The following KPNA1 variants were observed in gnomAD, a reference collection of about 807,000 sequenced individuals.
KPNA1 encodes the protein importin subunit alpha-5.
KPNA1 carries 10 observed loss-of-function variants against 70.5 expected under a neutral mutation model. The observed-to-expected ratio is 0.14, with a 90% CI of 0.09 to 0.24. The LOEUF is 0.24. KPNA1 is among the 10% of genes least tolerant of loss of function. KPNA1 has a pLI of 1.00. For synonymous variants in KPNA1, 192 were observed against 221.9 expected, an observed-to-expected ratio of 0.87 and a Z score of 1.20; for missense variants, 397 against 637.9, an observed-to-expected ratio of 0.62 and a Z score of 4.07.
intron 2 of KPNA1, among the ~76,000 whole-genome samples, chr3:122,485,051 A>G (rs2076613811): frequency 6.6e-6 from 1 of 151,970 alleles, no homozygotes; most frequent in Non-Finnish European, 1.5e-5. Context: ...GTGCATGCTA[A>G]TTAGTTTTGT....
At chr3:122,452,436 C>T (rs905551035) in intron 6 of KPNA1, among the ~76,000 whole-genome samples, 5 of 148,556 alleles carry the variant, frequency 3.4e-5, no homozygotes, top group Non-Finnish European at 7.4e-5. Flanking sequence ...TTGAACCTGA[C>T]AGGCCAAGGT....
intron 9 of KPNA1, chr3:122,443,033 G>A (rs1398795740): frequency 1.3e-5 from 2 of 152,314 alleles, no homozygotes; most frequent in Non-Finnish European, 1.5e-5. Flanking sequence ...TGGGTCGGGG[G>A]ATTTTCCTTT....
At chr3:122,509,052 C>G (rs998522951) in intron 1 of KPNA1, among the ~76,000 whole-genome samples, 4 of 152,074 alleles carry the variant, frequency 2.6e-5, no homozygotes, top group African/African-American at 9.7e-5. Flanking sequence ...TCAAGACCAG[C>G]CTGGCCAACA....
In KPNA1 at chr3:122,429,994, C is replaced by T. The variant is rs540451120; in HGVS notation, c.1251-2278G>A. The stretch of plus-strand genomic sequence containing the variant: ...TGTCTGACTGAGTTATTTCAAAAGA[C>T]CTATCTTTAAGTTTAGTAATTCTTT... On this transcript the variant is annotated intron_variant, in intron 12 of 13. Transcript: ENST00000344337. Among the ~76,000 whole-genome samples, 282 of 151,924 alleles carry T rather than the reference C, an allele frequency of 1.9e-3. 1 individual carries two copies. The highest frequency in any genetic ancestry group is 2.8e-3 in the Non-Finnish European group (188 of 67,962).
chr3:122,484,651 AT>A (rs1359364953), intron 2 of KPNA1, among the ~76,000 whole-genome samples: 14 of 151,972 alleles, frequency 9.2e-5, no homozygotes, highest in African/African-American at 2.9e-4. Context: ...TCAAAAAAAA[AT>A]AATAATAAAA....
intron 4 of KPNA1, among the ~76,000 whole-genome samples, chr3:122,463,280 G>A (rs1441033741): frequency 3.3e-5 from 5 of 151,976 alleles, no homozygotes; most frequent in Admixed American, 2.6e-4. Flanking sequence ...CCCGGGAGGC[G>A]GCGCTTGCAG....
At chr3:122,493,122 T>C (rs1028393003) in intron 2 of KPNA1, among the ~76,000 whole-genome samples, 25 of 152,196 alleles carry the variant, frequency 1.6e-4, no homozygotes, top group African/African-American at 5.8e-4. Context: ...TCATCAATAC[T>C]TCATCATTAA....
At chr3:122,470,693 T>C (rs1337542785) in intron 2 of KPNA1, among the ~76,000 whole-genome samples, 1 of 152,086 alleles carries the variant, frequency 6.6e-6, no homozygotes, top group African/African-American at 2.4e-5. Flanking sequence ...GTTGTAAATA[T>C]ACATTTACAA....
Position 122,449,648 on chromosome 3 carries a change from T to C in KPNA1, c.843A>G (p.Leu281=), listed in dbSNP as rs752604425. Residue 281 remains leucine (L), a synonymous_variant, in exon 9 of 14, where the codon CTA becomes CTG. Transcript: ENST00000344337. ...GAATTTTATCATTGGGTCCATCTGA[T>C]AGATATGAGAGGGCCCAGCAGGCAT... The part of the protein sequence containing the change: ...LADACWALSY[L]SDGPNDKIQA... 7.4e-6 allele frequency: 12 copies of C among 1,613,878 alleles called. 1 individual carries two copies. In the South Asian group the frequency reaches 1.2e-4, roughly 16 times the overall value.
At chr3:122,501,488 G>T (rs1431608465) in intron 1 of KPNA1, among the ~76,000 whole-genome samples, 1 of 152,096 alleles carries the variant, frequency 6.6e-6, no homozygotes, top group Non-Finnish European at 1.5e-5. Context: ...TTATTTAGGA[G>T]TATGTTCTTT....
In KPNA1 at chr3:122,496,459, C is replaced by T. The variant is rs1354135656; in HGVS notation, c.107G>A (p.Arg36Gln). Reference sequence around the variant, plus strand: ...TACCTGCTCTTCTCTTTTCTGCTTTCGTAACTGCAGTCCTTCTTCCTCCCT... The same window carrying T: ...TACCTGCTCTTCTCTTTTCTGCTTTTGTAACTGCAGTCCTTCTTCCTCCCT... Reference protein sequence around the residue: ...RRREEEGLQLRKQKREEQLFK... With the variant: ...RRREEEGLQLQKQKREEQLFK... Residue 36 changes from arginine (R) to glutamine (Q), a missense_variant, in exon 2 of 14, where the codon CGA (arginine) becomes CAA (glutamine). Physicochemically the swap from Arg to Gln is conservative, Grantham distance 43. Coordinates refer to ENST00000344337, the MANE Select transcript of KPNA1 (RefSeq NM_002264.4). 2.5e-6 allele frequency: 4 copies of T among 1,613,640 alleles called. No individual in the cohort carries two copies. The highest frequency in any genetic ancestry group is 2.7e-5 in the African/African-American group (2 of 74,888).
chr3:122,452,026 G>T lies in KPNA1; in HGVS notation c.603C>A (p.Thr201=). 6.2e-7 allele frequency: 1 copy of T among 1,611,992 alleles called. No individual in the cohort carries two copies. Among genetic ancestry groups the T allele is most frequent in the South Asian group, 1.1e-5 (1 of 90,710 alleles). Residue 201 remains threonine, a synonymous_variant, in exon 7 of 14, where the codon ACC becomes ACA. Coordinates refer to ENST00000344337, the MANE Select transcript of KPNA1 (RefSeq NM_002264.4). ...WALGNIAGDS[T]MCRDYVLDCN... is the part of the protein sequence containing the mutation. Reference sequence around the variant, plus strand: ...AGTCTAAGACATAGTCCCTGCACATGGTACTATCTCCAGCAATGTTGCCAA... The same window carrying T: ...AGTCTAAGACATAGTCCCTGCACATTGTACTATCTCCAGCAATGTTGCCAA...
chr3:122,478,172 A>AG (rs1553790079), intron 2 of KPNA1, among the ~76,000 whole-genome samples: 4 of 148,284 alleles, frequency 2.7e-5, no homozygotes, highest in South Asian at 2.1e-4. Context: ...AAAAAAAAAA[A>AG]AAAAGAAAAG....
intron 8 of KPNA1, among the ~76,000 whole-genome samples, chr3:122,450,425 T>C (rs2076186630): frequency 6.6e-6 from 1 of 151,998 alleles, no homozygotes; most frequent in African/African-American, 2.4e-5. Context: ...CTACTAAAAA[T>C]ACAAAAATTA....
chr3:122,491,032 A>C (rs1320109249), intron 2 of KPNA1, among the ~76,000 whole-genome samples: 1 of 152,226 alleles, frequency 6.6e-6, no homozygotes, highest in African/African-American at 2.4e-5. Context: ...CTAGCAGAGG[A>C]AATTAGTCAA....
intron 2 of KPNA1, among the ~76,000 whole-genome samples, chr3:122,479,467 T>A (rs1183662999): frequency 6.6e-6 from 1 of 152,022 alleles, no homozygotes; most frequent in African/African-American, 2.4e-5. Context: ...GTTACAAAAT[T>A]AAACATACTC....
intron 12 of KPNA1, chr3:122,432,790 T>C (rs1483760871): frequency 6.6e-6 from 1 of 152,166 alleles, no homozygotes; most frequent in African/African-American, 2.4e-5. Context: ...ATTAAGCTTA[T>C]AAGCTGCTCG....
rs1158346443 is a variant in KPNA1, at chr3:122,421,945, T to G, written c.*5040A>C. 1 of 152,268 alleles carries G rather than the reference T, an allele frequency of 6.6e-6. No homozygotes were observed. Among genetic ancestry groups the G allele is most frequent in the East Asian group, 1.9e-4 (1 of 5,208 alleles). The allele number at this position is 152,268 out of a possible 1,614,324, so 9.4% of individuals were successfully genotyped here. A position where few individuals can be genotyped will look rare whatever the true frequency, so the allele number is the denominator to read the frequency against. On this transcript the variant is annotated 3_prime_UTR_variant, in exon 14 of 14. Transcript: ENST00000344337. ...CCTTTACTAACATCACAAAGATGCA[T>G]GCATATTCCTTCATTTAGTATTTAT... is the stretch of plus-strand genomic sequence containing the variant.
chr3:122,441,993 T>C (rs1379146007), intron 10 of KPNA1, 45 bp downstream of exon 10: 1 of 1,227,952 alleles, frequency 8.1e-7, no homozygotes, highest in Admixed American at 1.7e-5. Flanking sequence ...TGAAGTTCAA[T>C]ATACTGTTTT....
Sources: allele counts gnomAD v4.1 joint callset (sites outside exome capture counted in the v4.1 genomes callset), GRCh38; gene constraint gnomAD v4.1.1; transcripts MANE v1.5; gene names NCBI Gene and HGNC (gene_info 2026-07-23, HGNC 2026-07-21).